MLIP: variants seen among roughly 807,000 people sequenced by gnomAD.
The protein encoded by MLIP is muscular LMNA interacting protein, also known as muscular LMNA-interacting protein.
A neutral mutation model predicts 84.8 loss-of-function variants in MLIP; 79 were observed. That is an observed-to-expected ratio of 0.93 (90% CI 0.78 to 1.12). The LOEUF is 1.12. Ranked by LOEUF, MLIP falls within the 50% of genes most tolerant of loss-of-function variation. The pLI is 0.00. For missense variants in MLIP, 1,257 were observed against 1,160.6 expected (o/e 1.08, Z -1.21); for synonymous variants, 504 against 463.0 (o/e 1.09, Z -1.14).
chr6:54,202,239 C>T lies in MLIP; in HGVS notation c.2718+6C>T, dbSNP rs375733926. The T allele has an allele frequency of 1.9e-5, 27 of 1,443,772 alleles. No homozygotes were observed. Among genetic ancestry groups the T allele is most frequent in the African/African-American group, 2.9e-5 (2 of 68,124 alleles). The allele number at this position is 1,443,772 out of a possible 1,614,324, so 89.4% of individuals were successfully genotyped here. A position where few individuals can be genotyped will look rare whatever the true frequency, so the allele number is the denominator to read the frequency against. The stretch of plus-strand genomic sequence containing the variant: ...GCGACCTCTTTTCTGAACAGGTGAG[C>T]ACATACAAGAGAAAATGTTTGCTAT... On this transcript the variant is annotated splice_donor_region_variant and intron_variant, in intron 11 of 13. Coordinates refer to ENST00000502396, the MANE Select transcript of MLIP (RefSeq NM_001281747.2).
At chr6:54,135,089 T>C (rs1561965718) in intron 3 of MLIP, among the ~76,000 whole-genome samples, 1 of 152,130 alleles carries the variant, frequency 6.6e-6, no homozygotes, top group African/African-American at 2.4e-5. Flanking sequence ...AATAAGACAT[T>C]GTCATGCTTG....
At chr6:54,239,770 G>A (rs1157537312) in intron 12 of MLIP, among the ~76,000 whole-genome samples, 1 of 151,842 alleles carries the variant, frequency 6.6e-6, no homozygotes, top group Non-Finnish European at 1.5e-5. Flanking sequence ...CTGGGTGACA[G>A]AGCAAGATTC....
At chr6:54,258,030 C>T (rs1489770508) in intron 13 of MLIP, among the ~76,000 whole-genome samples, 2 of 152,002 alleles carry the variant, frequency 1.3e-5, no homozygotes, top group Non-Finnish European at 2.9e-5. Context: ...TTGTATTCCT[C>T]AAGAGCAAGA....
intron 1 of MLIP, among the ~76,000 whole-genome samples, chr6:54,082,642 T>C (rs992746287): frequency 6.6e-6 from 1 of 152,228 alleles, no homozygotes; most frequent in Non-Finnish European, 1.5e-5. Flanking sequence ...ATATGGGACC[T>C]GTTGCTCCAC....
chr6:54,059,819 T>A (rs1443741866), intron 1 of MLIP, among the ~76,000 whole-genome samples: 1 of 152,220 alleles, frequency 6.6e-6, no homozygotes, highest in African/African-American at 2.4e-5. Context: ...ACTTTGTGTG[T>A]TATCTATTAC....
chr6:54,227,799 C>T (rs140374264), intron 11 of MLIP, among the ~76,000 whole-genome samples: 1,544 of 152,250 alleles, frequency 0.01, 31 homozygotes, highest in African/African-American at 0.034. Context: ...TGGAAATTGG[C>T]TTCCATATAC....
At chr6:54,102,240 C>T (rs905515279) in intron 1 of MLIP, among the ~76,000 whole-genome samples, 6 of 152,132 alleles carry the variant, frequency 3.9e-5, no homozygotes, top group African/African-American at 1.4e-4. Flanking sequence ...CATCGTAATT[C>T]TCTTGCTGGC....
chr6:54,026,817 A>G (rs1763830900), intron 1 of MLIP, among the ~76,000 whole-genome samples: 1 of 152,156 alleles, frequency 6.6e-6, no homozygotes, highest in South Asian at 2.1e-4. Context: ...GGTGAGGAGC[A>G]TGTTAGATCT....
intron 11 of MLIP, among the ~76,000 whole-genome samples, chr6:54,214,786 G>A (rs186424901): frequency 2.0e-5 from 3 of 152,320 alleles, no homozygotes; most frequent in African/African-American, 7.2e-5. Context: ...AAGGAACACA[G>A]AACACAGGAC....
At chr6:54,255,310 C>T (rs1331735969) in intron 12 of MLIP, among the ~76,000 whole-genome samples, 1 of 152,156 alleles carries the variant, frequency 6.6e-6, no homozygotes, top group Non-Finnish European at 1.5e-5. Context: ...CCTCTCAGTG[C>T]TTTAGTTTCC....
intron 9 of MLIP, among the ~76,000 whole-genome samples, chr6:54,175,992 G>GT (rs1398136322): frequency 1.3e-5 from 2 of 151,722 alleles, no homozygotes; most frequent in East Asian, 1.9e-4. Flanking sequence ...TGATGATATG[G>GT]TTTTTGTCAT....
At chr6:54,148,096 A>G (rs931333148) in intron 4 of MLIP, among the ~76,000 whole-genome samples, 3 of 152,140 alleles carry the variant, frequency 2.0e-5, no homozygotes, top group Admixed American at 2.0e-4. Flanking sequence ...TTATTTGATG[A>G]CACTGTCTTC....
chr6:54,111,569 A>G lies in MLIP; in HGVS notation c.90A>G (p.Thr30=). 1 of 1,535,964 alleles carries G rather than the reference A, an allele frequency of 6.5e-7. No homozygotes were observed. The highest frequency in any genetic ancestry group is 8.7e-7 in the Non-Finnish European group (1 of 1,146,826). ...SCILSGSIQT[T]PQVSAGGSEA... The stretch of plus-strand genomic sequence containing the variant: ...TCTTATCAGGGAGCATTCAGACCAC[A>G]CCCCAGGTAAAAGGAAGTCTTTGCT... Residue 30 remains threonine (T), a synonymous_variant, in exon 1 of 14, where the codon ACA becomes ACG. Transcript: ENST00000502396.
At chr6:54,112,323 A>C (rs566271113) in intron 1 of MLIP, among the ~76,000 whole-genome samples, 1 of 152,350 alleles carries the variant, frequency 6.6e-6, no homozygotes, top group East Asian at 1.9e-4. Flanking sequence ...TCTACTGGCT[A>C]ATATGTGGCT....
At chr6:54,104,172 A>C (rs1362713782) in intron 1 of MLIP, among the ~76,000 whole-genome samples, 3 of 152,180 alleles carry the variant, frequency 2.0e-5, no homozygotes, top group Non-Finnish European at 4.4e-5. Context: ...AAAGCATGGA[A>C]TAGGATGCTA....
At chr6:54,078,892 C>T (rs369257889) in intron 1 of MLIP, among the ~76,000 whole-genome samples, 2 of 151,780 alleles carry the variant, frequency 1.3e-5, no homozygotes, top group South Asian at 4.2e-4. Context: ...GGTTTCACCA[C>T]GTTGGCCAGG....
upstream of MLIP, among the ~76,000 whole-genome samples, chr6:54,110,533 A>G (rs1371408519): frequency 2.6e-5 from 4 of 152,200 alleles, no homozygotes; most frequent in African/African-American, 9.6e-5. Flanking sequence ...TGCTAATAGA[A>G]TCACTTATAG....
chr6:54,184,186 A>T (rs892682515), intron 9 of MLIP, among the ~76,000 whole-genome samples: 1 of 152,118 alleles, frequency 6.6e-6, no homozygotes, highest in Non-Finnish European at 1.5e-5. Context: ...AGAGCTCTTG[A>T]ACTTTGAGAA....
At chr6:54,026,306 A>C (rs1763801375) in intron 1 of MLIP, among the ~76,000 whole-genome samples, 1 of 152,246 alleles carries the variant, frequency 6.6e-6, no homozygotes, top group Admixed American at 6.5e-5. Flanking sequence ...TAATTAAAAA[A>C]TTCTGGTCTT....
Sources: allele counts gnomAD v4.1 joint callset (sites outside exome capture counted in the v4.1 genomes callset), GRCh38; gene constraint gnomAD v4.1.1; transcripts MANE v1.5; gene names NCBI Gene and HGNC (gene_info 2026-07-23, HGNC 2026-07-21).